The following CLASP1 variants were observed in gnomAD, a reference collection of about 807,000 sequenced individuals.
CLASP1 encodes cytoplasmic linker associated protein 1.
CLASP1 carries 38 observed loss-of-function variants against 192.3 expected under a neutral mutation model. The ratio of observed to expected loss-of-function variants is 0.20; its 90% CI spans 0.15 to 0.26. CLASP1 has a LOEUF of 0.26. Among genes scored for constraint, CLASP1 ranks in the 10% least tolerant of loss-of-function variants. The pLI is 1.00. For synonymous variants in CLASP1, 691 were observed against 712.8 expected (o/e 0.97, Z 0.49); for missense variants, 1,433 against 1,932.5 (o/e 0.74, Z 4.85).
chr2:121,433,240 C>T (rs1401050469), intron 19 of CLASP1, among the ~76,000 whole-genome samples: 2 of 150,650 alleles, frequency 1.3e-5, no homozygotes, highest in Non-Finnish European at 2.9e-5. Flanking sequence ...GAGAATCTCT[C>T]GAAACCGGGG....
intron 1 of CLASP1, among the ~76,000 whole-genome samples, chr2:121,639,987 T>C (rs542741976): frequency 6.6e-6 from 1 of 151,716 alleles, no homozygotes; most frequent in East Asian, 1.9e-4. Flanking sequence ...CCAACAATGA[T>C]AGACTGGATT....
intron 2 of CLASP1, among the ~76,000 whole-genome samples, chr2:121,581,260 C>CTTTTTTTTTTTTTTTTTTTTTTT (rs60345742): frequency 6.9e-5 from 4 of 57,668 alleles, no homozygotes; most frequent in Admixed American, 5.0e-4. Context: ...GCCTTTTGTT[C>CTTTTTTTTTTTTTTTTTTTTTTT]TTTTTTTTTT....
intron 6 of CLASP1, among the ~76,000 whole-genome samples, chr2:121,521,657 C>G (rs1183881503): frequency 6.6e-6 from 1 of 152,238 alleles, no homozygotes; most frequent in Non-Finnish European, 1.5e-5. Flanking sequence ...CTCTGAGTCA[C>G]TGCATTCGGA....
chr2:121,610,056 G>T lies in CLASP1; in HGVS notation c.-285-3876C>A, dbSNP rs144448528. Among the ~76,000 whole-genome samples the T allele has an allele frequency of 2.0e-3, 312 of 152,300 alleles. 1 individual carries two copies. The highest frequency in any genetic ancestry group is 6.0e-3 in the African/African-American group (249 of 41,562). ...GTGTTCTCCTCCCTGAATCTTCTAG[G>T]AAGGTTTTTCTAAACATTTGCAATT... On this transcript the variant is annotated intron_variant, in intron 1 of 39. Coordinates refer to ENST00000263710, the Ensembl canonical transcript of CLASP1.
At chr2:121,489,415 G>A (rs992436565) in intron 8 of CLASP1, among the ~76,000 whole-genome samples, 4 of 152,182 alleles carry the variant, frequency 2.6e-5, no homozygotes, top group Admixed American at 6.5e-5. Context: ...TCCTGGATGT[G>A]TGCCCAATTC....
In CLASP1 at chr2:121,350,757, A is replaced by G. The variant is rs529882503; in HGVS notation, c.4207-2039T>C. 2.1e-3 allele frequency among the ~76,000 whole-genome samples: 314 copies of G among 152,270 alleles called. 1 individual carries two copies. The highest frequency in any genetic ancestry group is 6.1e-3 in the African/African-American group (255 of 41,566). On this transcript the variant is annotated intron_variant, in intron 37 of 39. Transcript: ENST00000263710. ...ATGAAGCCCCATATGAGCTTTGGCT[A>G]CTCACACCCACTACCTGGCACTTAC...
At chr2:121,470,324 G>C (rs768496342) in intron 8 of CLASP1, 4 of 377,146 alleles carry the variant, frequency 1.1e-5, no homozygotes, top group African/African-American at 9.5e-5. Context: ...TTTTTTTGAA[G>C]ACAGAGTCTC....
chr2:121,403,724 C>A, intron 26 of CLASP1: 1 of 462,374 alleles, frequency 2.2e-6, no homozygotes. Context: ...TTTCCACCAC[C>A]CCTGGAAAGT....
intron 23 of CLASP1, among the ~76,000 whole-genome samples, chr2:121,415,381 T>C (rs2078399291): frequency 6.6e-6 from 1 of 152,186 alleles, no homozygotes. Flanking sequence ...GTTAGTAGTG[T>C]TGGGTGGTGC....
At chr2:121,390,762 G>A (rs1260065724) in intron 30 of CLASP1, among the ~76,000 whole-genome samples, 1 of 152,146 alleles carries the variant, frequency 6.6e-6, no homozygotes, top group Non-Finnish European at 1.5e-5. Flanking sequence ...GCTTCATAAA[G>A]TCACCAAAGA....
chr2:121,480,267 A>AG (rs1234561824), intron 8 of CLASP1, among the ~76,000 whole-genome samples: 1 of 152,240 alleles, frequency 6.6e-6, no homozygotes, highest in East Asian at 1.9e-4. Flanking sequence ...AACTGTGAGG[A>AG]GGGCAGAAAG....
chr2:121,641,984 C>T (rs998297646), intron 1 of CLASP1, among the ~76,000 whole-genome samples: 4 of 150,096 alleles, frequency 2.7e-5, no homozygotes, highest in African/African-American at 7.5e-5. Context: ...TAGTAAGACC[C>T]TGCCTCTTTA....
chr2:121,384,006 A>AT (rs2072461301), intron 32 of CLASP1, among the ~76,000 whole-genome samples: 1 of 128,664 alleles, frequency 7.8e-6, no homozygotes, highest in African/African-American at 3.1e-5. Flanking sequence ...ATATATATAT[A>AT]TACACACACA....
chr2:121,490,855 A>G (rs1395442529), intron 8 of CLASP1, among the ~76,000 whole-genome samples: 1 of 152,238 alleles, frequency 6.6e-6, no homozygotes, highest in African/African-American at 2.4e-5. Flanking sequence ...TGTAATATGC[A>G]TAGTCTAATA....
chr2:121,455,013 C>T (rs533129810), intron 14 of CLASP1, among the ~76,000 whole-genome samples: 58 of 152,286 alleles, frequency 3.8e-4, no homozygotes, highest in African/African-American at 1.4e-3. Flanking sequence ...TGATGCTGGT[C>T]AGGTTCTGAA....
intron 2 of CLASP1, among the ~76,000 whole-genome samples, chr2:121,565,168 G>A (rs559560933): frequency 3.3e-5 from 5 of 152,260 alleles, no homozygotes; most frequent in East Asian, 1.9e-4. Flanking sequence ...TTCAAAGGGC[G>A]TACTCTTATA....
intron 2 of CLASP1, among the ~76,000 whole-genome samples, chr2:121,549,041 A>G (rs1039183813): frequency 1.3e-5 from 2 of 152,254 alleles, no homozygotes; most frequent in African/African-American, 4.8e-5. Context: ...AAGACAGCAT[A>G]ATAACCAGCT....
At chr2:121,593,746 C>CT (rs750970700) in intron 2 of CLASP1, among the ~76,000 whole-genome samples, 5 of 151,718 alleles carry the variant, frequency 3.3e-5, no homozygotes, top group Non-Finnish European at 7.4e-5. Context: ...CGCAGTGGCT[C>CT]ACGCCTGTAA....
intron 37 of CLASP1, among the ~76,000 whole-genome samples, chr2:121,356,650 C>T (rs1343882167): frequency 1.3e-5 from 2 of 152,228 alleles, no homozygotes; most frequent in Non-Finnish European, 2.9e-5. Context: ...TCATCCAACT[C>T]TACCTGATGA....
Sources: gnomAD v4.1 joint callset for allele counts (sites outside exome capture counted in the v4.1 genomes callset) on GRCh38, gnomAD v4.1.1 for gene constraint, MANE v1.5 for transcripts, NCBI Gene and HGNC (gene_info 2026-07-23, HGNC 2026-07-21) for gene names.